Variants in CCDC7 observed in about 807,000 individuals in gnomAD.
The protein encoded by CCDC7 is coiled-coil domain containing 7.
In CCDC7, 183 loss-of-function variants were observed where a neutral mutation model predicts 196.9. The observed-to-expected ratio is 0.93, with a 90% CI of 0.82 to 1.05. The LOEUF (loss-of-function observed/expected upper bound fraction) is 1.05. CCDC7 is among the 50% of genes least tolerant of loss of function. The probability of loss-of-function intolerance (pLI) is 0.00; values close to 1 mark genes in which losing one functional copy is unlikely to be tolerated. For synonymous variants in CCDC7, 525 were observed against 484.6 expected, an observed-to-expected ratio of 1.08 and a Z score of -1.10; for missense variants, 1,540 against 1,482.2, an observed-to-expected ratio of 1.04 and a Z score of -0.64.
chr10:32,450,699 G>C (rs2032819178), upstream of CCDC7, among the ~76,000 whole-genome samples: 2 of 152,158 alleles, frequency 1.3e-5, no homozygotes, highest in Non-Finnish European at 2.9e-5. Context: ...CTTTGATGCT[G>C]CCTTAATATT....
At chr10:32,533,488 C>T (rs540977593) in intron 11 of CCDC7, among the ~76,000 whole-genome samples, 5 of 151,884 alleles carry the variant, frequency 3.3e-5, no homozygotes, top group South Asian at 4.2e-4. Context: ...TTTACCAAGG[C>T]GTTTTATACC....
At chr10:32,653,775 A>G (rs1042330041) in intron 20 of CCDC7, among the ~76,000 whole-genome samples, 36 of 152,238 alleles carry the variant, frequency 2.4e-4, no homozygotes, top group African/African-American at 8.2e-4. Context: ...ACAATTTCAT[A>G]TCACAATTTG....
chr10:32,816,746 C>A (rs2088683336), intron 31 of CCDC7, among the ~76,000 whole-genome samples: 1 of 152,184 alleles, frequency 6.6e-6, no homozygotes, highest in Non-Finnish European at 1.5e-5. Flanking sequence ...AGACCTCCAG[C>A]AAACTCCAAC....
At chr10:32,533,434 A>C (rs1490695608) in intron 11 of CCDC7, among the ~76,000 whole-genome samples, 1 of 152,056 alleles carries the variant, frequency 6.6e-6, no homozygotes, top group Non-Finnish European at 1.5e-5. Context: ...ATTGCACACC[A>C]CAGTTGCAAT....
At chr10:32,653,517 C>A (rs2069170500) in intron 20 of CCDC7, among the ~76,000 whole-genome samples, 1 of 152,180 alleles carries the variant, frequency 6.6e-6, no homozygotes, top group Non-Finnish European at 1.5e-5. Context: ...GGTACCATGA[C>A]CTCTCACCTG....
intron 18 of CCDC7, among the ~76,000 whole-genome samples, chr10:32,611,315 G>A (rs10734002): frequency 0.92 from 140,440 of 152,242 alleles, 65,785 homozygotes; most frequent in East Asian, 1. Context: ...TAGATTCTGG[G>A]TATTAGTCCT....
intron 18 of CCDC7, among the ~76,000 whole-genome samples, chr10:32,605,300 A>G (rs538950660): frequency 6.6e-6 from 1 of 152,292 alleles, no homozygotes; most frequent in Non-Finnish European, 1.5e-5. Flanking sequence ...CCAGTCTCAG[A>G]TATTTCTTTA....
intron 20 of CCDC7, among the ~76,000 whole-genome samples, chr10:32,649,872 G>T (rs2210741): frequency 0.057 from 8,707 of 152,194 alleles, 301 homozygotes; most frequent in African/African-American, 0.092. Flanking sequence ...GTTCAGTTTG[G>T]TTCTTCTTAA....
chr10:32,704,629 G>A (rs1315561706), intron 24 of CCDC7, among the ~76,000 whole-genome samples: 3 of 152,112 alleles, frequency 2.0e-5, no homozygotes, highest in Non-Finnish European at 4.4e-5. Context: ...GAGGCAGGCA[G>A]GCCTCCTTGA....
chr10:32,632,532 A>C (rs1024251389), intron 18 of CCDC7, among the ~76,000 whole-genome samples: 2 of 151,822 alleles, frequency 1.3e-5, no homozygotes, highest in Non-Finnish European at 2.9e-5. Context: ...ATAAGGTAGA[A>C]GTTTTGTTGA....
At chr10:32,703,454 C>A (rs2141616001) in intron 24 of CCDC7, among the ~76,000 whole-genome samples, 1 of 152,078 alleles carries the variant, frequency 6.6e-6, no homozygotes, top group Middle Eastern at 3.4e-3. Flanking sequence ...AATATTTTTT[C>A]CTTCATTTCT....
intron 24 of CCDC7, among the ~76,000 whole-genome samples, chr10:32,697,476 C>T (rs1192850352): frequency 6.6e-6 from 1 of 152,238 alleles, no homozygotes; most frequent in Non-Finnish European, 1.5e-5. Context: ...CGCCTTAATA[C>T]AGCGCTTTTC....
intron 33 of CCDC7, among the ~76,000 whole-genome samples, chr10:32,840,576 AAAG>A (rs1389521533): frequency 1.3e-5 from 2 of 152,016 alleles, no homozygotes; most frequent in South Asian, 2.1e-4. Context: ...TCTGACATTC[AAAG>A]AAGAATTGGT....
At chr10:32,510,698 T>G (rs2045976557) in intron 9 of CCDC7, among the ~76,000 whole-genome samples, 1 of 152,160 alleles carries the variant, frequency 6.6e-6, no homozygotes, top group East Asian at 1.9e-4. Flanking sequence ...ACATACAACC[T>G]TATTTCCCAT....
At chr10:32,524,044 T>C (rs1312929392) in intron 11 of CCDC7, among the ~76,000 whole-genome samples, 1 of 150,886 alleles carries the variant, frequency 6.6e-6, no homozygotes, top group Non-Finnish European at 1.5e-5. Context: ...TCTGGTTGTT[T>C]TACAGCCTTA....
At chr10:32,544,027 G>T (rs1054099449) in intron 12 of CCDC7, among the ~76,000 whole-genome samples, 1 of 151,904 alleles carries the variant, frequency 6.6e-6, no homozygotes. Context: ...TTGACTATCA[G>T]TCTTTTCACA....
chr10:32,876,070 T>C lies in CCDC7; in HGVS notation c.4112-277T>C, dbSNP rs562305927. On this transcript the variant is annotated intron_variant, in intron 41 of 41. Transcript: ENST00000639629. ...GAACTACTGAATCAGAAGCTCTGGG[T>C]TCAGGTCCAGAAATCTGTTTTAGTA... 7.2e-5 allele frequency among the ~76,000 whole-genome samples: 11 copies of C among 152,054 alleles called. No homozygotes were observed. In the East Asian group the frequency reaches 1.9e-3, roughly 27 times the overall value.
chr10:32,561,427 G>T (rs2055599843), intron 13 of CCDC7, among the ~76,000 whole-genome samples: 3 of 152,120 alleles, frequency 2.0e-5, no homozygotes, highest in South Asian at 4.1e-4. Context: ...AAATGTAAAA[G>T]AACAGAAATT....
At chr10:32,858,168 G>A (rs1487082763) in intron 41 of CCDC7, among the ~76,000 whole-genome samples, 9 of 152,106 alleles carry the variant, frequency 5.9e-5, no homozygotes, top group Admixed American at 5.2e-4. Flanking sequence ...AGAACATTTC[G>A]AGGTGGCTTC....
Sources: gnomAD v4.1 joint callset for allele counts (sites outside exome capture counted in the v4.1 genomes callset) on GRCh38, gnomAD v4.1.1 for gene constraint, MANE v1.5 for transcripts, NCBI Gene and HGNC (gene_info 2026-07-23, HGNC 2026-07-21) for gene names.